The following ZNF385B variants were observed in gnomAD, a reference collection of about 807,000 sequenced individuals.
ZNF385B encodes the protein zinc finger protein 385B, also known as zinc finger protein 533.
A neutral mutation model predicts 39.2 loss-of-function variants in ZNF385B; 23 were observed. The observed-to-expected ratio is 0.59, with a 90% CI of 0.42 to 0.83. The LOEUF is 0.83. Ranked by LOEUF, ZNF385B falls within the 40% of genes least tolerant of loss-of-function variation. ZNF385B has a pLI of 0.00. For synonymous variants in ZNF385B, 205 were observed against 222.6 expected, an observed-to-expected ratio of 0.92 and a Z score of 0.70; for missense variants, 552 against 598.9, an observed-to-expected ratio of 0.92 and a Z score of 0.82.
At chr2:179,744,835 A>G (rs1702286624) in intron 3 of ZNF385B, among the ~76,000 whole-genome samples, 3 of 151,770 alleles carry the variant, frequency 2.0e-5, no homozygotes, top group Admixed American at 1.3e-4. Context: ...TAACCCTCAC[A>G]CTCCATTCAT....
chr2:179,647,960 G>T (rs558943916), intron 3 of ZNF385B, among the ~76,000 whole-genome samples: 412 of 152,144 alleles, frequency 2.7e-3, no homozygotes, highest in Non-Finnish European at 4.1e-3. Flanking sequence ...TGGGGGTGGG[G>T]GACCCTTGGG....
At chr2:179,680,454 G>T (rs778715583) in intron 3 of ZNF385B, among the ~76,000 whole-genome samples, 2 of 152,082 alleles carry the variant, frequency 1.3e-5, no homozygotes, top group African/African-American at 2.4e-5. Context: ...TAGAAGTCAG[G>T]ATAGTAGTTA....
chr2:179,542,975 AAT>A (rs1323295045), intron 4 of ZNF385B, among the ~76,000 whole-genome samples: 3 of 152,134 alleles, frequency 2.0e-5, no homozygotes, highest in African/African-American at 7.2e-5. Flanking sequence ...ATGTTAAAAA[AAT>A]AAATAAATAA....
intron 1 of ZNF385B, among the ~76,000 whole-genome samples, chr2:179,823,789 A>G (rs1046816254): frequency 3.3e-5 from 5 of 152,140 alleles, no homozygotes; most frequent in Admixed American, 2.6e-4. Context: ...TCTGTCAATC[A>G]TTGAAATAGC....
At chr2:179,488,384 T>TCCGC (rs1397185582) in intron 5 of ZNF385B, among the ~76,000 whole-genome samples, 18 of 152,278 alleles carry the variant, frequency 1.2e-4, no homozygotes, top group Admixed American at 9.8e-4. Context: ...GACCTCGTGA[T>TCCGC]CCGCCCGCCT....
intron 1 of ZNF385B, among the ~76,000 whole-genome samples, chr2:179,829,731 T>G (rs1375537367): frequency 1.3e-5 from 2 of 152,196 alleles, no homozygotes; most frequent in East Asian, 3.9e-4. Flanking sequence ...GCCACGATGG[T>G]CTCGATCTCC....
chr2:179,582,953 G>A (rs986482249), intron 3 of ZNF385B, among the ~76,000 whole-genome samples: 7 of 152,130 alleles, frequency 4.6e-5, no homozygotes, highest in Non-Finnish European at 1.0e-4. Context: ...GGGTTCAAGC[G>A]ATTCTCCTGC....
chr2:179,704,901 T>G (rs1366775708), intron 3 of ZNF385B, among the ~76,000 whole-genome samples: 2 of 152,170 alleles, frequency 1.3e-5, no homozygotes, highest in Admixed American at 1.3e-4. Flanking sequence ...AGACAATCCT[T>G]GGTGCCAATT....
Position 179,689,186 on chromosome 2 carries a change from G to C in ZNF385B, c.298+80317C>G, listed in dbSNP as rs533921329. On this transcript the variant is annotated intron_variant, in intron 3 of 9. Transcript: ENST00000410066. ...TTCCTAGGAGTGTGGCTATTGGAGG[G>C]AAACACCTTTAGGACTCTAACACTC... 4.6e-5 allele frequency among the ~76,000 whole-genome samples: 7 copies of C among 152,294 alleles called. No individual in the cohort carries two copies. In the South Asian group the frequency reaches 8.3e-4, roughly 18 times the overall value.
intron 1 of ZNF385B, among the ~76,000 whole-genome samples, chr2:179,785,344 T>C (rs1704929756): frequency 6.6e-6 from 1 of 152,148 alleles, no homozygotes; most frequent in Admixed American, 6.6e-5. Context: ...TTTCTGGATA[T>C]AAACTATACT....
chr2:179,813,172 C>T (rs558877769), intron 1 of ZNF385B, among the ~76,000 whole-genome samples: 51 of 152,138 alleles, frequency 3.4e-4, no homozygotes, highest in African/African-American at 1.2e-3. Context: ...GCTCTTATGC[C>T]TTTTGGGTTT....
chr2:179,848,662 G>A (rs898867927), intron 1 of ZNF385B, among the ~76,000 whole-genome samples: 4 of 152,146 alleles, frequency 2.6e-5, no homozygotes, highest in African/African-American at 7.2e-5. Flanking sequence ...TAACATTTGT[G>A]TCTTCCATGC....
At chr2:179,513,981 G>A (rs529032911) in intron 5 of ZNF385B, 1 of 152,364 alleles carries the variant, frequency 6.6e-6, no homozygotes, top group East Asian at 1.9e-4. Context: ...TGTAAGGGAT[G>A]AGTTAAACTA....
At chr2:179,456,783 T>C (rs2050751248) in intron 6 of ZNF385B, among the ~76,000 whole-genome samples, 1 of 152,192 alleles carries the variant, frequency 6.6e-6, no homozygotes, top group Non-Finnish European at 1.5e-5. Context: ...CAACCACTCA[T>C]AGTAATTGAG....
chr2:179,822,319 C>T (rs1331683738), intron 1 of ZNF385B, among the ~76,000 whole-genome samples: 3 of 152,104 alleles, frequency 2.0e-5, no homozygotes, highest in Non-Finnish European at 4.4e-5. Flanking sequence ...TCACTTCACC[C>T]AAAACTAGCT....
At chr2:179,672,465 G>A (rs1696150325) in intron 3 of ZNF385B, among the ~76,000 whole-genome samples, 1 of 152,172 alleles carries the variant, frequency 6.6e-6, no homozygotes, top group Non-Finnish European at 1.5e-5. Context: ...GGGATGGGAT[G>A]AATGTATTTT....
At chr2:179,580,166 A>T (rs1447360783) in intron 3 of ZNF385B, among the ~76,000 whole-genome samples, 2 of 152,126 alleles carry the variant, frequency 1.3e-5, no homozygotes, top group African/African-American at 4.8e-5. Context: ...ATGAGGATTA[A>T]ATAAATAATG....
intron 3 of ZNF385B, among the ~76,000 whole-genome samples, chr2:179,668,981 A>G (rs929071715): frequency 6.6e-6 from 1 of 152,234 alleles, no homozygotes; most frequent in African/African-American, 2.4e-5. Flanking sequence ...TAAAAAGAAT[A>G]TCAAGGTACA....
At chr2:179,499,842 G>C (rs1458130121) in intron 5 of ZNF385B, among the ~76,000 whole-genome samples, 6 of 151,852 alleles carry the variant, frequency 4.0e-5, no homozygotes, top group Non-Finnish European at 5.9e-5. Context: ...AAAGAAAACT[G>C]TCAAATTATC....
Sources: allele counts gnomAD v4.1 joint callset (sites outside exome capture counted in the v4.1 genomes callset), GRCh38; gene constraint gnomAD v4.1.1; transcripts MANE v1.5; gene names NCBI Gene and HGNC (gene_info 2026-07-23, HGNC 2026-07-21).